Variants in NRXN3 observed in about 807,000 individuals in gnomAD.
The protein encoded by NRXN3 is neurexin 3, also known as neurexin III.
A neutral mutation model predicts 137.6 loss-of-function variants in NRXN3; 32 were observed. The ratio of observed to expected loss-of-function variants is 0.23; its 90% CI spans 0.18 to 0.31. NRXN3 has a LOEUF of 0.31. Among genes scored for constraint, NRXN3 ranks in the 10% least tolerant of loss-of-function variants. The pLI is 1.00. For synonymous variants in NRXN3, 798 were observed against 784.5 expected (o/e 1.02, Z -0.29); for missense variants, 1,574 against 2,062.5 (o/e 0.76, Z 4.59).
At chr14:78,953,694 T>C (rs763323047) in intron 10 of NRXN3, among the ~76,000 whole-genome samples, 1 of 152,216 alleles carries the variant, frequency 6.6e-6, no homozygotes, top group African/African-American at 2.4e-5. Context: ...AGGTAATTTA[T>C]TAACATTCTC....
intron 15 of NRXN3, among the ~76,000 whole-genome samples, chr14:79,220,509 A>G (rs2069392460): frequency 6.6e-6 from 1 of 152,152 alleles, no homozygotes; most frequent in Non-Finnish European, 1.5e-5. Flanking sequence ...TTGGTGTTGT[A>G]CATTATCTTC....
At chr14:79,243,416 A>C (rs185647585) in intron 15 of NRXN3, among the ~76,000 whole-genome samples, 71 of 152,210 alleles carry the variant, frequency 4.7e-4, no homozygotes, top group Non-Finnish European at 8.8e-5. Context: ...AACCTATATA[A>C]AAGGAATCTT....
intron 15 of NRXN3, among the ~76,000 whole-genome samples, chr14:79,381,254 T>C (rs2094462569): frequency 1.3e-5 from 2 of 151,932 alleles, no homozygotes; most frequent in Admixed American, 1.3e-4. Context: ...GAATTCTTAA[T>C]ATGATATGGT....
chr14:78,654,392 A>G (rs1245402647), intron 6 of NRXN3, among the ~76,000 whole-genome samples: 1 of 152,194 alleles, frequency 6.6e-6, no homozygotes, highest in African/African-American at 2.4e-5. Context: ...TTTTATGTGT[A>G]ATTTTCTTCA....
intron 19 of NRXN3, among the ~76,000 whole-genome samples, chr14:79,769,016 G>T (rs540291668): frequency 6.6e-6 from 1 of 151,882 alleles, no homozygotes; most frequent in East Asian, 1.9e-4. Context: ...TGGAAGAAAG[G>T]GTATCAGCAA....
At chr14:79,421,057 T>C (rs1474148839) in intron 15 of NRXN3, among the ~76,000 whole-genome samples, 1 of 152,206 alleles carries the variant, frequency 6.6e-6, no homozygotes, top group Non-Finnish European at 1.5e-5. Flanking sequence ...TAGTGTGCAA[T>C]GTCATTTTAA....
intron 1 of NRXN3, among the ~76,000 whole-genome samples, chr14:78,205,412 A>G (rs2062089721): frequency 6.6e-6 from 1 of 152,226 alleles, no homozygotes; most frequent in African/African-American, 2.4e-5. Flanking sequence ...AGATTGGCTG[A>G]GACGATGCAC....
intron 5 of NRXN3, among the ~76,000 whole-genome samples, chr14:78,646,806 C>T (rs761129670): frequency 1.4e-4 from 22 of 152,190 alleles, no homozygotes; most frequent in Non-Finnish European, 2.8e-4. Context: ...TTGCTAATAT[C>T]TTCTTTCGTC....
chr14:78,802,629 G>A (rs1240816291), intron 8 of NRXN3, among the ~76,000 whole-genome samples: 1 of 152,200 alleles, frequency 6.6e-6, no homozygotes, highest in Non-Finnish European at 1.5e-5. Flanking sequence ...GGTAACCTCA[G>A]ACTGAGGAAG....
chr14:79,451,445 T>A (rs2096171368), intron 15 of NRXN3, among the ~76,000 whole-genome samples: 1 of 152,234 alleles, frequency 6.6e-6, no homozygotes, highest in African/African-American at 2.4e-5. Flanking sequence ...TTAGGAAGAA[T>A]GTTCTTTTTA....
chr14:79,108,536 C>T (rs962119953), intron 15 of NRXN3, among the ~76,000 whole-genome samples: 3 of 152,094 alleles, frequency 2.0e-5, no homozygotes. Flanking sequence ...CACAGTTTCT[C>T]TTATAGTTTT....
chr14:78,558,311 A>AT (rs1480482025), intron 4 of NRXN3, among the ~76,000 whole-genome samples: 1 of 152,172 alleles, frequency 6.6e-6, no homozygotes, highest in Non-Finnish European at 1.5e-5. Flanking sequence ...CTAGATGGAT[A>AT]TTCTGTGTCT....
chr14:79,500,294 C>G (rs1003913890), intron 16 of NRXN3, among the ~76,000 whole-genome samples: 1 of 148,520 alleles, frequency 6.7e-6, no homozygotes, highest in African/African-American at 2.5e-5. Context: ...GATCATTTAC[C>G]CAAATAAAAC....
At chr14:79,544,483 G>T (rs901050396) in intron 16 of NRXN3, among the ~76,000 whole-genome samples, 66 of 152,122 alleles carry the variant, frequency 4.3e-4, no homozygotes, top group African/African-American at 1.6e-3. Flanking sequence ...CAGCATGATG[G>T]CCATGTGACT....
chr14:79,454,632 T>G (rs2096233324), intron 15 of NRXN3, among the ~76,000 whole-genome samples: 2 of 152,232 alleles, frequency 1.3e-5, no homozygotes, highest in East Asian at 3.8e-4. Flanking sequence ...AATATTGTGA[T>G]AATGAACATC....
chr14:78,391,945 C>G (rs1295708095), intron 4 of NRXN3, among the ~76,000 whole-genome samples: 1 of 151,980 alleles, frequency 6.6e-6, no homozygotes, highest in South Asian at 2.1e-4. Flanking sequence ...TATTTCATCC[C>G]TTCAAACCAC....
intron 15 of NRXN3, among the ~76,000 whole-genome samples, chr14:79,447,674 A>G (rs924270965): frequency 2.0e-5 from 3 of 152,104 alleles, no homozygotes; most frequent in Non-Finnish European, 4.4e-5. Flanking sequence ...ATTTTTGGAG[A>G]TTTCATTCTG....
chr14:78,607,568 G>T (rs2097263464), intron 4 of NRXN3, among the ~76,000 whole-genome samples: 1 of 152,178 alleles, frequency 6.6e-6, no homozygotes, highest in Non-Finnish European at 1.5e-5. Context: ...TTTGCCTGGT[G>T]CTGTGCTAGA....
chr14:78,792,187 T>A (rs565646877), intron 8 of NRXN3, among the ~76,000 whole-genome samples: 2 of 101,096 alleles, frequency 2.0e-5, no homozygotes, highest in South Asian at 7.0e-4. Context: ...ATTGAATTCA[T>A]GTCACAAGAA....
Sources: gnomAD v4.1 joint callset for allele counts (sites outside exome capture counted in the v4.1 genomes callset) on GRCh38, gnomAD v4.1.1 for gene constraint, MANE v1.5 for transcripts, NCBI Gene and HGNC (gene_info 2026-07-23, HGNC 2026-07-21) for gene names.